Variants in VPS13B observed in about 807,000 individuals in gnomAD.
The protein encoded by VPS13B is intermembrane lipid transfer protein VPS13B.
In VPS13B, 285 loss-of-function variants were observed where a neutral mutation model predicts 426.4. That is an observed-to-expected ratio of 0.67 (90% CI 0.61 to 0.74). The LOEUF is 0.74. Among genes scored for constraint, VPS13B ranks in the 30% least tolerant of loss-of-function variants. The probability of loss-of-function intolerance (pLI) is 0.00; values close to 1 mark genes in which losing one functional copy is unlikely to be tolerated. For synonymous variants in VPS13B, 1,676 were observed against 1,676.4 expected, an observed-to-expected ratio of 1.00 and a Z score of 0.01; for missense variants, 4,537 against 4,782.6, an observed-to-expected ratio of 0.95 and a Z score of 1.51.
intron 24 of VPS13B, among the ~76,000 whole-genome samples, chr8:99,473,965 A>G (rs1819547923): frequency 6.6e-6 from 1 of 152,196 alleles, no homozygotes; most frequent in African/African-American, 2.4e-5. Flanking sequence ...CCTGAAAACC[A>G]TAAAGCGTTG....
intron 39 of VPS13B, among the ~76,000 whole-genome samples, chr8:99,721,897 G>A (rs1833147613): frequency 1.3e-5 from 2 of 152,192 alleles, no homozygotes; most frequent in Non-Finnish European, 2.9e-5. Context: ...TGGCCTCTAT[G>A]CTTCTGTTCT....
chr8:99,640,049 G>GAAGAAGAAGAGAAAAGAAA (rs1299280170), intron 33 of VPS13B, among the ~76,000 whole-genome samples: 8 of 99,726 alleles, frequency 8.0e-5, no homozygotes, highest in African/African-American at 2.9e-4. Context: ...AGAAGAAGAA[G>GAAGAAGAAGAGAAAAGAAA]AGAAAAGAAA....
intron 30 of VPS13B, among the ~76,000 whole-genome samples, chr8:99,540,197 A>G (rs1215561747): frequency 3.5e-5 from 5 of 142,716 alleles, no homozygotes; most frequent in African/African-American, 1.0e-4. Flanking sequence ...CTCCTGCCTC[A>G]GCCTCCCAAG....
rs529765163 is a variant in VPS13B at position 99,738,583 on chromosome 8, C to T, written c.7050+17536C>T. ...ATGAAAGATGGTCTTGAAGAATCAA[C>T]GTTTTCACAGTTTATCCTATTGTAG... On this transcript the variant is annotated intron_variant, in intron 39 of 61. Coordinates refer to ENST00000357162, the MANE Select transcript of VPS13B (RefSeq NM_152564.5). 1.8e-4 allele frequency among the ~76,000 whole-genome samples: 27 copies of T among 152,300 alleles called. 1 individual carries two copies. The highest frequency in any genetic ancestry group is 6.0e-4 in the African/African-American group (25 of 41,566).
chr8:99,331,573 A>C (rs1810545650), intron 19 of VPS13B, among the ~76,000 whole-genome samples: 1 of 151,754 alleles, frequency 6.6e-6, no homozygotes, highest in South Asian at 2.1e-4. Context: ...GTAAATCAAG[A>C]AAAAAATTAA....
chr8:99,596,895 A>G (rs1277149089), intron 33 of VPS13B, among the ~76,000 whole-genome samples: 1 of 152,060 alleles, frequency 6.6e-6, no homozygotes, highest in Non-Finnish European at 1.5e-5. Context: ...GAGTACAACC[A>G]GCATCCGTAG....
At chr8:99,099,806 G>A (rs1846631199) in intron 4 of VPS13B, among the ~76,000 whole-genome samples, 1 of 152,208 alleles carries the variant, frequency 6.6e-6, no homozygotes, top group Non-Finnish European at 1.5e-5. Context: ...ATCTGGGCCT[G>A]TGGATATAGA....
chr8:99,454,018 A>G (rs1818329906), intron 23 of VPS13B, among the ~76,000 whole-genome samples: 1 of 152,056 alleles, frequency 6.6e-6, no homozygotes, highest in Non-Finnish European at 1.5e-5. Flanking sequence ...TGTGCTCAAC[A>G]TACTCATTTC....
intron 4 of VPS13B, among the ~76,000 whole-genome samples, chr8:99,099,158 A>G (rs548137917): frequency 9.2e-5 from 14 of 152,150 alleles, no homozygotes; most frequent in African/African-American, 2.6e-4. Flanking sequence ...TTTAATTCAT[A>G]TTTTATTGGG....
At position 99,156,573 on chromosome 8, in the gene VPS13B, A is replaced by G. The variant is rs374124369; in HGVS notation, c.2038A>G (p.Thr680Ala). ...EKNSSNFMNT[T>A]NFQSLRPLPS... ...GAACTCAAGTAACTTCATGAATACT[A>G]CAAACTTCCAGTCTCTTCGGCCTTT... The change falls in exon 15 of 62, where the codon ACA becomes GCA. Residue 680 changes from threonine (T) to alanine (A), a missense_variant. Thr to Ala is a moderately conservative substitution (Grantham distance 58). Transcript: ENST00000357162. 1.5e-4 allele frequency: 242 copies of G among 1,614,066 alleles called. No homozygotes were observed. Among genetic ancestry groups the G allele is most frequent in the Non-Finnish European group, 1.9e-4 (229 of 1,179,910 alleles).
chr8:99,572,865 G>C lies in VPS13B; in HGVS notation c.4950-2793G>C, dbSNP rs560228122. Among the ~76,000 whole-genome samples the C allele has an allele frequency of 2.8e-3, 427 of 152,244 alleles. 3 individuals carry two copies. The highest frequency in any genetic ancestry group is 1.0e-2 in the African/African-American group (414 of 41,530). On this transcript the variant is annotated intron_variant, in intron 31 of 61. Transcript: ENST00000357162. Reference sequence around the variant, plus strand: ...ATGGTATTTCTAGTTCTAGATCCTTGAGGAATCGCCACACTGTCTTCCACA... The same window carrying C: ...ATGGTATTTCTAGTTCTAGATCCTTCAGGAATCGCCACACTGTCTTCCACA...
chr8:99,104,190 G>C (rs1467126730), intron 5 of VPS13B, among the ~76,000 whole-genome samples: 3 of 152,150 alleles, frequency 2.0e-5, no homozygotes, highest in Admixed American at 6.5e-5. Context: ...TGTACAGCAT[G>C]TTACTGTGCT....
At chr8:99,289,794 T>C (rs1819632088) in intron 19 of VPS13B, among the ~76,000 whole-genome samples, 1 of 152,128 alleles carries the variant, frequency 6.6e-6, no homozygotes, top group Non-Finnish European at 1.5e-5. Flanking sequence ...AAAAAATCAG[T>C]TTGATATTGT....
intron 33 of VPS13B, among the ~76,000 whole-genome samples, chr8:99,614,944 C>T (rs1408453748): frequency 1.3e-5 from 2 of 151,470 alleles, no homozygotes; most frequent in Non-Finnish European, 2.9e-5. Context: ...ATGGAGAAAC[C>T]CCGTCTCTAC....
intron 19 of VPS13B, among the ~76,000 whole-genome samples, chr8:99,284,407 T>C (rs1819325470): frequency 6.6e-6 from 1 of 152,220 alleles, no homozygotes; most frequent in African/African-American, 2.4e-5. Context: ...CATCAAAGTC[T>C]CTACAGTGAA....
At chr8:99,047,177 AT>A (rs557172627) in intron 3 of VPS13B, among the ~76,000 whole-genome samples, 97 of 151,612 alleles carry the variant, frequency 6.4e-4, no homozygotes, top group Non-Finnish European at 1.1e-3. Flanking sequence ...TTTGTTGGTA[AT>A]TTTTTTTATT....
At chr8:99,712,759 C>CAA (rs386360840) in intron 36 of VPS13B, among the ~76,000 whole-genome samples, 1,818 of 98,106 alleles carry the variant, frequency 0.019, 15 homozygotes, top group Non-Finnish European at 0.02. Flanking sequence ...GTCCCCAAGC[C>CAA]AAAAAAAAAA....
At chr8:99,275,623 T>G (rs983964745) in intron 19 of VPS13B, among the ~76,000 whole-genome samples, 23 of 152,292 alleles carry the variant, frequency 1.5e-4, no homozygotes, top group East Asian at 3.9e-4. Context: ...TGTTTTTACC[T>G]TCTGTAATTT....
intron 33 of VPS13B, among the ~76,000 whole-genome samples, chr8:99,641,127 A>G (rs1280314298): frequency 6.6e-6 from 1 of 152,208 alleles, no homozygotes; most frequent in Non-Finnish European, 1.5e-5. Context: ...GAGAACTAGT[A>G]GCCTTTATTG....
Sources: gnomAD v4.1 joint callset for allele counts (sites outside exome capture counted in the v4.1 genomes callset) on GRCh38, gnomAD v4.1.1 for gene constraint, MANE v1.5 for transcripts, NCBI Gene and HGNC (gene_info 2026-07-23, HGNC 2026-07-21) for gene names.